Variants in SYT14 observed in about 807,000 individuals in gnomAD.
The protein encoded by SYT14 is synaptotagmin 14.
In SYT14, 32 loss-of-function variants were observed where a neutral mutation model predicts 74.2. The ratio of observed to expected loss-of-function variants is 0.43; its 90% CI spans 0.33 to 0.58. The LOEUF (loss-of-function observed/expected upper bound fraction) is 0.58. SYT14 is among the 20% of genes least tolerant of loss of function. SYT14 has a pLI of 0.05. For missense variants in SYT14, 791 were observed against 981.8 expected, an observed-to-expected ratio of 0.81 and a Z score of 2.60; for synonymous variants, 298 against 337.7, an observed-to-expected ratio of 0.88 and a Z score of 1.29.
intron 5 of SYT14, among the ~76,000 whole-genome samples, chr1:210,027,366 G>A (rs1436870138): frequency 6.6e-6 from 1 of 150,540 alleles, no homozygotes; most frequent in South Asian, 2.1e-4. Flanking sequence ...AGTGAACTGT[G>A]ATCATGCAAC....
chr1:210,151,608 A>G (rs555996057), intron 7 of SYT14, among the ~76,000 whole-genome samples: 1 of 148,858 alleles, frequency 6.7e-6, no homozygotes, highest in African/African-American at 2.5e-5. Flanking sequence ...CCACAACTCT[A>G]CCAACATTGA....
rs2102817878 is a variant in SYT14, at chr1:209,985,768, C to T, written c.-485-27865C>T. 2.0e-5 allele frequency among the ~76,000 whole-genome samples: 3 copies of T among 152,366 alleles called. No individual in the cohort carries two copies. The South Asian group carries it at 6.2e-4, about 32-fold the overall frequency. ...TGAAATCTAGGCAGAGGCTGCCAAGCTTCCACTACTCTTGCACTCCAAGTG... is the reference window on the plus strand; with the variant it reads ...TGAAATCTAGGCAGAGGCTGCCAAGTTTCCACTACTCTTGCACTCCAAGTG... On this transcript the variant is annotated intron_variant, in intron 2 of 9. Coordinates refer to ENST00000637265, the Ensembl canonical transcript of SYT14.
At chr1:210,112,055 T>C (rs2082273049) in intron 7 of SYT14, among the ~76,000 whole-genome samples, 1 of 151,262 alleles carries the variant, frequency 6.6e-6, no homozygotes, top group Non-Finnish European at 1.5e-5. Context: ...GTTATCAGAC[T>C]GTACAGAGGT....
intron 2 of SYT14, among the ~76,000 whole-genome samples, chr1:209,988,177 A>G (rs1277577562): frequency 6.6e-6 from 1 of 152,094 alleles, no homozygotes; most frequent in Non-Finnish European, 1.5e-5. Flanking sequence ...TTCTGTTGAT[A>G]TGTCTTCAGG....
At chr1:210,022,432 A>G (rs1291451514) in intron 5 of SYT14, among the ~76,000 whole-genome samples, 1 of 152,230 alleles carries the variant, frequency 6.6e-6, no homozygotes, top group East Asian at 1.9e-4. Flanking sequence ...AAAATAAGAC[A>G]TGTGCTTACT....
chr1:210,023,725 G>A (rs1017321626), intron 5 of SYT14, among the ~76,000 whole-genome samples: 1 of 152,206 alleles, frequency 6.6e-6, no homozygotes, highest in African/African-American at 2.4e-5. Flanking sequence ...ATCTGAGGAA[G>A]TCTAATGGGG....
At chr1:210,089,937 T>A (rs1024278627) in intron 5 of SYT14, among the ~76,000 whole-genome samples, 2 of 152,214 alleles carry the variant, frequency 1.3e-5, no homozygotes, top group African/African-American at 4.8e-5. Flanking sequence ...TTAAATAACC[T>A]CTAGCGGTTT....
chr1:209,952,732 C>T, exon 2 of SYT14: 1 of 1,610,782 alleles, frequency 6.2e-7, no homozygotes, highest in Non-Finnish European at 8.5e-7. Context: ...CTGTGGAGTA[C>T]ATGAACTTAT....
intron 7 of SYT14, among the ~76,000 whole-genome samples, chr1:210,139,762 C>T (rs2082877170): frequency 6.6e-6 from 1 of 152,150 alleles, no homozygotes; most frequent in Non-Finnish European, 1.5e-5. Flanking sequence ...ATGACTTTTA[C>T]TTAGCATGAT....
exon 10 of SYT14, chr1:210,167,736 T>G (rs2083470742): frequency 6.6e-6 from 1 of 152,200 alleles, no homozygotes; most frequent in Non-Finnish European, 1.5e-5. Context: ...ATCAGCTTGA[T>G]AGACTGGAAT....
chr1:210,085,358 A>G (rs140543260), intron 5 of SYT14, among the ~76,000 whole-genome samples: 1,754 of 152,292 alleles, frequency 0.012, 33 homozygotes, highest in African/African-American at 0.037. Context: ...CAATCATTTT[A>G]CATCTTCTTT....
intron 5 of SYT14, among the ~76,000 whole-genome samples, chr1:210,091,629 G>A (rs2081869759): frequency 6.6e-6 from 1 of 152,184 alleles, no homozygotes; most frequent in Non-Finnish European, 1.5e-5. Context: ...GGTCAAGACT[G>A]CAGTGAGCCA....
At chr1:210,088,983 A>G (rs2081804635) in intron 5 of SYT14, among the ~76,000 whole-genome samples, 2 of 151,976 alleles carry the variant, frequency 1.3e-5, no homozygotes, top group South Asian at 2.1e-4. Context: ...GCAACCGTCA[A>G]TCTATCATCT....
At chr1:210,094,287 T>C in intron 5 of SYT14, 35 bp from the exon 5 acceptor site, 1 of 1,613,584 alleles carries the variant, frequency 6.2e-7, no homozygotes, top group Non-Finnish European at 8.5e-7. Context: ...TTGAGGCTAA[T>C]TGGAAACAGT....
At chr1:209,971,903 A>G (rs182130356) in intron 2 of SYT14, among the ~76,000 whole-genome samples, 1 of 152,270 alleles carries the variant, frequency 6.6e-6, no homozygotes, top group East Asian at 1.9e-4. Flanking sequence ...GCTTCATAGA[A>G]TAAGTTACGG....
chr1:210,035,461 T>A (rs963472356), intron 5 of SYT14, among the ~76,000 whole-genome samples: 1 of 152,016 alleles, frequency 6.6e-6, no homozygotes, highest in Non-Finnish European at 1.5e-5. Context: ...GTTTTTGCTT[T>A]TGATGTCTTA....
chr1:210,073,394 A>G (rs954843365), intron 5 of SYT14, among the ~76,000 whole-genome samples: 2 of 152,076 alleles, frequency 1.3e-5, no homozygotes, highest in Non-Finnish European at 2.9e-5. Context: ...CTAAATTGCT[A>G]CTATTTCAAC....
intron 2 of SYT14, among the ~76,000 whole-genome samples, chr1:209,978,304 T>G (rs930522189): frequency 5.9e-5 from 9 of 152,200 alleles, no homozygotes; most frequent in Admixed American, 2.0e-4. Flanking sequence ...TTTCCAGTTT[T>G]TCTGCTCTGT....
At chr1:210,005,230 T>G (rs2079968584) in intron 2 of SYT14, among the ~76,000 whole-genome samples, 1 of 152,004 alleles carries the variant, frequency 6.6e-6, no homozygotes, top group East Asian at 1.9e-4. Context: ...GTTTTGATCA[T>G]TTCAAGAAGA....
Sources: gnomAD v4.1 joint callset for allele counts (sites outside exome capture counted in the v4.1 genomes callset) on GRCh38, gnomAD v4.1.1 for gene constraint, MANE v1.5 for transcripts, NCBI Gene and HGNC (gene_info 2026-07-23, HGNC 2026-07-21) for gene names.